Variants in CKAP2L observed in about 807,000 individuals in gnomAD.
CKAP2L encodes the protein cytoskeleton-associated protein 2-like.
Under a neutral mutation model 65.7 loss-of-function variants are expected in CKAP2L, and 42 were observed. The ratio of observed to expected loss-of-function variants is 0.64; its 90% CI spans 0.50 to 0.83. The LOEUF (loss-of-function observed/expected upper bound fraction) is 0.83. CKAP2L is among the 40% of genes least tolerant of loss of function. CKAP2L has a pLI of 0.00. For missense variants in CKAP2L, 908 were observed against 871.0 expected (o/e 1.04, Z -0.53); for synonymous variants, 325 against 313.5 (o/e 1.04, Z -0.39).
chr2:112,756,524 T>A lies in CKAP2L; in HGVS notation c.847A>T (p.Ile283Phe). 1 of 1,609,576 alleles carries A rather than the reference T, an allele frequency of 6.2e-7. No individual in the cohort carries two copies. Among genetic ancestry groups the A allele is most frequent in the South Asian group, 1.1e-5 (1 of 90,274 alleles). ...KPSRTVPSHF[I>F]RTLSKVQSSK... ...GACTGAACTTTACTAAGGGTCCGAA[T>A]AAAGTGAGAGGGAACCGTCCTTGAG... Residue 283 changes from isoleucine (I) to phenylalanine (F), a missense_variant, in exon 4 of 9, where the codon ATT becomes TTT. Coordinates refer to ENST00000302450, the MANE Select transcript of CKAP2L (RefSeq NM_152515.5).
At chr2:112,746,347 T>C in intron 6 of CKAP2L, 73 bp downstream of exon 6, 3 of 1,294,544 alleles carry the variant, frequency 2.3e-6, no homozygotes, top group South Asian at 3.0e-5. Flanking sequence ...CTAACCATCA[T>C]ATTACAAACA....
intron 8 of CKAP2L, among the ~76,000 whole-genome samples, chr2:112,739,482 T>C (rs973746865): frequency 1.3e-5 from 2 of 152,206 alleles, no homozygotes; most frequent in African/African-American, 4.8e-5. Context: ...TGTTCTTGGA[T>C]GGTGTAAGCA....
chr2:112,762,210 GA>G (rs200712548), intron 2 of CKAP2L, among the ~76,000 whole-genome samples: 2 of 150,858 alleles, frequency 1.3e-5, no homozygotes, highest in Non-Finnish European at 3.0e-5. Context: ...ACTTCCCCAA[GA>G]AAAAAAAAGC....
Position 112,738,929 on chromosome 2 carries a change from A to G in CKAP2L, c.2132T>C (p.Val711Ala). Residue 711 changes from valine (V) to alanine (A), a missense_variant, in exon 9 of 9, where the codon GTG (valine) becomes GCG (alanine). Coordinates refer to ENST00000302450, the MANE Select transcript of CKAP2L (RefSeq NM_152515.5). The part of the protein sequence containing the change: ...PEMLQEHDLV[V>A]ASLDELLEVE... ...TTCTAACAGTTCATCAAGAGAAGCC[A>G]CTACTAAATCGTGTTCCTGCAGCAT... The G allele has an allele frequency of 1.2e-6, 2 of 1,614,160 alleles. No individual in the cohort carries two copies. The highest frequency in any genetic ancestry group is 1.7e-6 in the Non-Finnish European group (2 of 1,179,992).
In CKAP2L at chr2:112,737,958, A is replaced by G. The variant is rs1679441268; in HGVS notation, c.*865T>C. 6.6e-6 allele frequency: 1 copy of G among 151,448 alleles called. No homozygotes were observed. Among genetic ancestry groups the G allele is most frequent in the Non-Finnish European group, 1.5e-5 (1 of 68,034 alleles). The allele number at this position is 151,448 out of a possible 1,614,324, so 9.4% of individuals were successfully genotyped here. A position where few individuals can be genotyped will look rare whatever the true frequency, so the allele number is the denominator to read the frequency against. On this transcript the variant is annotated 3_prime_UTR_variant, in exon 9 of 9. Transcript: ENST00000302450. The stretch of plus-strand genomic sequence containing the variant: ...AAATGTGTTGACTAGGTTTTTCTAC[A>G]CAATTATATTTACATAATGACTAAG...
chr2:112,745,751 A>C (rs980455124), intron 6 of CKAP2L, among the ~76,000 whole-genome samples: 4 of 152,158 alleles, frequency 2.6e-5, no homozygotes, highest in Non-Finnish European at 4.4e-5. Flanking sequence ...ACTCTAATGA[A>C]AGTATAAGGA....
rs901187223 is a variant in CKAP2L at position 112,755,832 on chromosome 2, A to G, written c.1394+145T>C. ...GCCCTGTCAAGTCTTAATATTTGTT[A>G]TATTTGCTTCAAATCTTTTTTCAGA... On this transcript the variant is annotated intron_variant, in intron 4 of 8. Coordinates refer to ENST00000302450, the MANE Select transcript of CKAP2L (RefSeq NM_152515.5). The G allele has an allele frequency of 1.2e-5, 9 of 741,648 alleles. No homozygotes were observed. In the African/African-American group the frequency reaches 1.2e-4, roughly 10 times the overall value. 45.9% of individuals were successfully genotyped at this position (741,648 alleles called of 1,614,324 possible). A position where few individuals can be genotyped will look rare whatever the true frequency, so the allele number is the denominator to read the frequency against.
At chr2:112,763,287 T>C (rs1471887208) in intron 1 of CKAP2L, among the ~76,000 whole-genome samples, 1 of 152,182 alleles carries the variant, frequency 6.6e-6, no homozygotes, top group Admixed American at 6.5e-5. Context: ...TTTCTGTTAC[T>C]GGCCCACCTG....
intron 4 of CKAP2L, among the ~76,000 whole-genome samples, chr2:112,754,942 C>A (rs1680485799): frequency 6.6e-6 from 1 of 152,214 alleles, no homozygotes; most frequent in Non-Finnish European, 1.5e-5. Flanking sequence ...ATCCTTTTAT[C>A]TAAAGCAGCC....
At chr2:112,753,261 A>G (rs779725342) in intron 4 of CKAP2L, among the ~76,000 whole-genome samples, 23 of 152,208 alleles carry the variant, frequency 1.5e-4, no homozygotes, top group Admixed American at 3.3e-4. Context: ...TCTGACAGGC[A>G]TTTCAAATTT....
At chr2:112,760,452 C>A (rs534792660) in intron 3 of CKAP2L, among the ~76,000 whole-genome samples, 11 of 152,160 alleles carry the variant, frequency 7.2e-5, no homozygotes, top group Non-Finnish European at 1.6e-4. Context: ...GTATCAGGCA[C>A]ACAGTAAGCA....
intron 6 of CKAP2L, among the ~76,000 whole-genome samples, chr2:112,745,836 A>G (rs937864365): frequency 3.3e-5 from 5 of 152,198 alleles, no homozygotes; most frequent in Non-Finnish European, 7.3e-5. Context: ...TGTATGTGTG[A>G]AAGAGGGCTA....
chr2:112,739,648 G>T (rs1679730925), intron 8 of CKAP2L, among the ~76,000 whole-genome samples: 1 of 152,134 alleles, frequency 6.6e-6, no homozygotes, highest in Non-Finnish European at 1.5e-5. Flanking sequence ...TGAATTCCAA[G>T]ATTCTTTCTA....
chr2:112,760,744 T>C lies in CKAP2L; in HGVS notation c.125A>G (p.Asn42Ser), dbSNP rs947921067. The C allele has an allele frequency of 5.3e-6, 8 of 1,518,588 alleles. No individual in the cohort carries two copies. Among genetic ancestry groups the C allele is most frequent in the Non-Finnish European group, 7.2e-6 (8 of 1,106,216 alleles). 94.1% of individuals were successfully genotyped at this position (1,518,588 alleles called of 1,614,324 possible). Residue 42 changes from asparagine (N) to serine (S), a missense_variant, in exon 3 of 9, where the codon AAT (asparagine) becomes AGT (serine). Asn to Ser is a conservative substitution (Grantham distance 46). Coordinates refer to ENST00000302450, the MANE Select transcript of CKAP2L (RefSeq NM_152515.5). ...QNTKPYLKSK[N>S]NCQNQPPSKS... ...AGAAGGTGGTTGATTCTGGCAATTA[T>C]TCTTGGATTTTAGATAAGGCCTATA...
chr2:112,742,671 AGAG>A (rs774477317), intron 7 of CKAP2L, 32 bp downstream of exon 7: 1 of 1,303,550 alleles, frequency 7.7e-7, no homozygotes, highest in Non-Finnish European at 1.1e-6. Flanking sequence ...TGGTACAGCT[AGAG>A]AAGATGAATT....
At chr2:112,753,716 T>C (rs953587927) in intron 4 of CKAP2L, among the ~76,000 whole-genome samples, 3 of 151,742 alleles carry the variant, frequency 2.0e-5, no homozygotes, top group Non-Finnish European at 4.4e-5. Context: ...TTAGTAGAGA[T>C]GGGGTTTCAC....
chr2:112,761,171 A>G (rs971280592), intron 2 of CKAP2L, among the ~76,000 whole-genome samples: 3 of 152,136 alleles, frequency 2.0e-5, no homozygotes, highest in African/African-American at 7.2e-5. Context: ...CTTCTTTAAA[A>G]AATTTCCGGC....
At chr2:112,745,167 T>G (rs1392051962) in intron 6 of CKAP2L, among the ~76,000 whole-genome samples, 2 of 152,184 alleles carry the variant, frequency 1.3e-5, no homozygotes, top group African/African-American at 2.4e-5. Context: ...AGGAGAAAGC[T>G]CTTTATCTAA....
chr2:112,739,976 TG>T (rs1218080242), intron 8 of CKAP2L, among the ~76,000 whole-genome samples: 2 of 151,906 alleles, frequency 1.3e-5, no homozygotes, highest in African/African-American at 4.8e-5. Flanking sequence ...TTTTTTGAGA[TG>T]GAGTTTCACT....
Sources: gnomAD v4.1 joint callset for allele counts (sites outside exome capture counted in the v4.1 genomes callset) on GRCh38, gnomAD v4.1.1 for gene constraint, MANE v1.5 for transcripts, NCBI Gene and HGNC (gene_info 2026-07-23, HGNC 2026-07-21) for gene names.